The following LRRIQ1 variants were observed in gnomAD, a reference collection of about 807,000 sequenced individuals.
LRRIQ1 encodes the protein leucine rich repeats and IQ motif containing 1, also known as leucine-rich repeat- and IQ domain-containing protein 1.
In LRRIQ1, 210 loss-of-function variants were observed where a neutral mutation model predicts 211.9. The ratio of observed to expected loss-of-function variants is 0.99; its 90% CI spans 0.89 to 1.11. The LOEUF (loss-of-function observed/expected upper bound fraction) is 1.11, where lower values mean the gene tolerates loss of function less well. LRRIQ1 is among the 50% of genes most tolerant of loss of function. The probability of loss-of-function intolerance (pLI) is 0.00; values close to 1 mark genes in which losing one functional copy is unlikely to be tolerated. For synonymous variants in LRRIQ1, 699 were observed against 650.1 expected, an observed-to-expected ratio of 1.08 and a Z score of -1.14; for missense variants, 2,136 against 1,939.5, an observed-to-expected ratio of 1.10 and a Z score of -1.90.
intron 11 of LRRIQ1, among the ~76,000 whole-genome samples, chr12:85,078,085 T>C (rs1883865160): frequency 6.6e-6 from 1 of 152,140 alleles, no homozygotes; most frequent in South Asian, 2.1e-4. Flanking sequence ...AGTGCATTTA[T>C]GGAATCGATT....
chr12:85,228,389 T>C (rs574322809), intron 24 of LRRIQ1, among the ~76,000 whole-genome samples: 1 of 152,330 alleles, frequency 6.6e-6, no homozygotes, highest in South Asian at 2.1e-4. Context: ...GTGAAGTAAG[T>C]GTTCCTCTAA....
At chr12:85,186,762 A>G (rs944812682) in intron 24 of LRRIQ1, among the ~76,000 whole-genome samples, 3 of 152,028 alleles carry the variant, frequency 2.0e-5, no homozygotes, top group African/African-American at 7.2e-5. Flanking sequence ...ATATGTATGT[A>G]ACAATTTCTC....
intron 1 of LRRIQ1, among the ~76,000 whole-genome samples, chr12:85,257,468 G>C (rs1175992710): frequency 6.6e-6 from 1 of 151,072 alleles, no homozygotes; most frequent in East Asian, 2.0e-4. Context: ...ATTCCTTTTA[G>C]AACTGTGTGC....
In LRRIQ1 at chr12:85,232,703, T is replaced by C. The variant is rs1243192683; in HGVS notation, c.4963T>C (p.Phe1655Leu). 3.1e-6 allele frequency: 5 copies of C among 1,611,592 alleles called. No homozygotes were observed. Among genetic ancestry groups the C allele is most frequent in the Non-Finnish European group, 4.2e-6 (5 of 1,178,404 alleles). Residue 1655 changes from phenylalanine (F) to leucine (L), a missense_variant, in exon 26 of 27, where the codon TTT becomes CTT. By Grantham distance (22) the Phe-to-Leu change is conservative. Coordinates refer to ENST00000393217, the MANE Select transcript of LRRIQ1 (RefSeq NM_001079910.2). ...TSSRNMKCNH[F>L]LPELDPDVLN... ...GTTTTTGTCACTATGCAGCAATCACTTTTTGCCTGAGTTAGATCCAGATGT... is the reference window on the plus strand; with the variant it reads ...GTTTTTGTCACTATGCAGCAATCACCTTTTGCCTGAGTTAGATCCAGATGT...
chr12:85,126,898 T>G (rs1216647751), intron 17 of LRRIQ1, among the ~76,000 whole-genome samples: 1 of 152,098 alleles, frequency 6.6e-6, no homozygotes, highest in African/African-American at 2.4e-5. Flanking sequence ...TAAACTAAAT[T>G]GTATAAGGAA....
Position 85,081,723 on chromosome 12 carries a change from C to CTTTTTTT in LRRIQ1, c.2887+8639_2887+8645dup, listed in dbSNP as rs766961193. Reference sequence around the variant, plus strand: ...TTTATGCCCTTTATTTCTTCTTCTTCTTTTTTTTTTTTTTTTTTTTGAGAC... The same window carrying CTTTTTTT: ...TTTATGCCCTTTATTTCTTCTTCTTCTTTTTTTTTTTTTTTTTTTTTTTTTTTGAGAC... On this transcript the variant is annotated intron_variant, in intron 11 of 26. Transcript: ENST00000393217. Among the ~76,000 whole-genome samples the CTTTTTTT allele has an allele frequency of 4.9e-4, 56 of 113,434 alleles. 1 individual carries two copies. Among genetic ancestry groups the CTTTTTTT allele is most frequent in the African/African-American group, 9.4e-4 (26 of 27,608 alleles). The allele number at this position is 113,434 out of a possible 152,430, so 74.4% of individuals were successfully genotyped here.
intron 14 of LRRIQ1, among the ~76,000 whole-genome samples, chr12:85,105,586 T>C (rs1190271138): frequency 3.9e-5 from 6 of 152,170 alleles, no homozygotes; most frequent in African/African-American, 1.4e-4. Flanking sequence ...TAGTAAATTT[T>C]AACTATTTGT....
At chr12:85,112,492 CTTT>C (rs755792701) in intron 15 of LRRIQ1, among the ~76,000 whole-genome samples, 8 of 103,758 alleles carry the variant, frequency 7.7e-5, no homozygotes, top group Non-Finnish European at 2.1e-5. Flanking sequence ...CTTTCTTTTG[CTTT>C]TTAAGAGTTT....
At chr12:85,174,646 G>A (rs1174862115) in intron 24 of LRRIQ1, among the ~76,000 whole-genome samples, 1 of 127,142 alleles carries the variant, frequency 7.9e-6, no homozygotes, top group Non-Finnish European at 1.6e-5. Context: ...AAGCTGTAGT[G>A]AACCAAGATC....
intron 11 of LRRIQ1, among the ~76,000 whole-genome samples, chr12:85,092,063 C>T (rs1294501864): frequency 6.6e-6 from 1 of 152,160 alleles, no homozygotes. Flanking sequence ...ACTGAGCATG[C>T]AAGGGATCTA....
At chr12:85,237,749 A>G (rs1015874881) in intron 26 of LRRIQ1, among the ~76,000 whole-genome samples, 1 of 152,176 alleles carries the variant, frequency 6.6e-6, no homozygotes, top group Admixed American at 6.6e-5. Context: ...AAGCCTCAAA[A>G]AGACCAAGTT....
At position 85,193,601 on chromosome 12, in the gene LRRIQ1, A is replaced by C. The variant is rs1045590219; in HGVS notation, c.4822+32887A>C. On this transcript the variant is annotated intron_variant, in intron 24 of 26. Coordinates refer to ENST00000393217, the MANE Select transcript of LRRIQ1 (RefSeq NM_001079910.2). ...TTCATAAGTGAAGGAGAAATAAAAT[A>C]CTTTACAGACAAGCAAATGCTGAGA... Among the ~76,000 whole-genome samples the C allele has an allele frequency of 3.0e-3, 435 of 147,126 alleles. 5 individuals are homozygous for C. The highest frequency in any genetic ancestry group is 0.01 in the African/African-American group (408 of 39,854).
intron 10 of LRRIQ1, among the ~76,000 whole-genome samples, chr12:85,071,747 G>C (rs1002159267): frequency 6.6e-6 from 1 of 152,050 alleles, no homozygotes. Flanking sequence ...GCAAAGGGAT[G>C]TCTTACATGG....
chr12:85,067,031 A>T (rs181425098), intron 10 of LRRIQ1, 133 bp downstream of exon 10: 19 of 476,828 alleles, frequency 4.0e-5, no homozygotes, highest in Admixed American at 1.7e-4. Context: ...TAAAATTTAG[A>T]TTAAAAAAAT....
intron 24 of LRRIQ1, among the ~76,000 whole-genome samples, chr12:85,165,558 T>C (rs1891116277): frequency 6.7e-6 from 1 of 149,112 alleles, no homozygotes; most frequent in Admixed American, 6.7e-5. Context: ...CTGCAACCTC[T>C]GCCTCCCAGG....
chr12:85,173,751 T>C (rs1891541569), intron 24 of LRRIQ1, among the ~76,000 whole-genome samples: 1 of 152,114 alleles, frequency 6.6e-6, no homozygotes, highest in South Asian at 2.1e-4. Context: ...TTTCCTAATT[T>C]AACCCTAATT....
At chr12:85,180,239 A>G (rs2136877235) in intron 24 of LRRIQ1, among the ~76,000 whole-genome samples, 1 of 151,968 alleles carries the variant, frequency 6.6e-6, no homozygotes. Flanking sequence ...ACCCTGAAAA[A>G]CTTAATCATT....
intron 24 of LRRIQ1, among the ~76,000 whole-genome samples, chr12:85,186,077 A>C (rs1464248838): frequency 6.6e-6 from 1 of 152,126 alleles, no homozygotes; most frequent in East Asian, 1.9e-4. Context: ...AAGAGCAAAT[A>C]ATAAAAATGC....
chr12:85,266,984 T>G (rs1565935444), downstream of LRRIQ1, among the ~76,000 whole-genome samples: 2 of 152,120 alleles, frequency 1.3e-5, no homozygotes, highest in Admixed American at 6.6e-5. Flanking sequence ...CACATTTATA[T>G]TGCAAGAGCA....
Sources: allele counts gnomAD v4.1 joint callset (sites outside exome capture counted in the v4.1 genomes callset), GRCh38; gene constraint gnomAD v4.1.1; transcripts MANE v1.5; gene names NCBI Gene and HGNC (gene_info 2026-07-23, HGNC 2026-07-21).